Variants in RAF1 observed in about 807,000 individuals in gnomAD.
RAF1 encodes the protein RAF proto-oncogene serine/threonine-protein kinase.
Under a neutral mutation model 81.1 loss-of-function variants are expected in RAF1, and 27 were observed. That is an observed-to-expected ratio of 0.33 (90% CI 0.25 to 0.46). The LOEUF is 0.46. Ranked by LOEUF, RAF1 falls within the 20% of genes least tolerant of loss-of-function variation. The probability of loss-of-function intolerance (pLI) is 1.00; values close to 1 mark genes in which losing one functional copy is unlikely to be tolerated. For synonymous variants in RAF1, 298 were observed against 294.0 expected, an observed-to-expected ratio of 1.01 and a Z score of -0.14; for missense variants, 598 against 826.0, an observed-to-expected ratio of 0.72 and a Z score of 3.38.
chr3:12,607,661 T>TAA (rs926512614), intron 5 of RAF1, among the ~76,000 whole-genome samples: 1 of 147,502 alleles, frequency 6.8e-6, no homozygotes, highest in East Asian at 2.0e-4. Context: ...AAAATAATAA[T>TAA]AAAAAAAAAG....
At chr3:12,592,394 T>G (rs2058544014) in intron 11 of RAF1, among the ~76,000 whole-genome samples, 1 of 152,178 alleles carries the variant, frequency 6.6e-6, no homozygotes, top group African/African-American at 2.4e-5. Flanking sequence ...AAATTAAGCT[T>G]CTCTGCCTTC....
intron 1 of RAF1, among the ~76,000 whole-genome samples, chr3:12,642,364 C>G (rs930335645): frequency 2.0e-5 from 3 of 150,734 alleles, no homozygotes; most frequent in Non-Finnish European, 3.0e-5. Context: ...CAACAACTAG[C>G]CAGGCGTAGT....
chr3:12,642,611 A>G (rs1416419749), intron 1 of RAF1, among the ~76,000 whole-genome samples: 1 of 151,866 alleles, frequency 6.6e-6, no homozygotes, highest in Non-Finnish European at 1.5e-5. Flanking sequence ...AATAAAAACA[A>G]GAGACTGTTG....
chr3:12,661,146 G>T (rs2060864112), intron 1 of RAF1, among the ~76,000 whole-genome samples: 1 of 152,134 alleles, frequency 6.6e-6, no homozygotes, highest in South Asian at 2.1e-4. Flanking sequence ...ACCAAAGCAA[G>T]ATTTAGAAAC....
intron 8 of RAF1, 120 bp from the exon 8 acceptor site, chr3:12,600,535 T>G: frequency 8.9e-7 from 1 of 1,126,374 alleles, no homozygotes; most frequent in South Asian, 1.3e-5. Context: ...CTAAAAACCA[T>G]AGAAATCCTA....
At position 12,595,936 on chromosome 3, in the gene RAF1, T is replaced by C. The variant is rs566300250; in HGVS notation, c.1168+3755A>G. Among the ~76,000 whole-genome samples, 4 of 150,428 alleles carry C rather than the reference T, an allele frequency of 2.7e-5. No individual in the cohort carries two copies. In the East Asian group the frequency reaches 7.8e-4, roughly 29 times the overall value. On this transcript the variant is annotated intron_variant, in intron 11 of 17. Coordinates refer to ENST00000442415, the MANE Select transcript of RAF1 (RefSeq NM_001354689.3). ...TGTTGCCCAGGCTGGAGTGCAGTGGTGTTATCACGGCTCACTGCAGCCTCT... is the reference window on the plus strand; with the variant it reads ...TGTTGCCCAGGCTGGAGTGCAGTGGCGTTATCACGGCTCACTGCAGCCTCT...
intron 1 of RAF1, among the ~76,000 whole-genome samples, chr3:12,630,789 A>T (rs2125495970): frequency 6.6e-6 from 1 of 152,296 alleles, no homozygotes; most frequent in Middle Eastern, 3.4e-3. Context: ...GGAAAGGCAC[A>T]AAAGGCACAA....
In RAF1 at chr3:12,612,065, A is replaced by G. The variant is rs2125431625; in HGVS notation, c.208-3T>C. On this transcript the variant is annotated splice_region_variant and splice_polypyrimidine_tract_variant and intron_variant, in intron 2 of 17. Coordinates refer to ENST00000442415, the MANE Select transcript of RAF1 (RefSeq NM_001354689.3). ...CTCATTCCATTTCGCACATTGACCTACAAACAAAGGACCACCTTTAGGACC... is the reference window on the plus strand; with the variant it reads ...CTCATTCCATTTCGCACATTGACCTGCAAACAAAGGACCACCTTTAGGACC... 6.2e-7 allele frequency: 1 copy of G among 1,613,426 alleles called. No homozygotes were observed. The highest frequency in any genetic ancestry group is 1.1e-5 in the South Asian group (1 of 91,076).
intron 1 of RAF1, among the ~76,000 whole-genome samples, chr3:12,655,899 G>T (rs766546859): frequency 6.6e-6 from 1 of 151,788 alleles, no homozygotes; most frequent in African/African-American, 2.4e-5. Context: ...GTAGAATAGG[G>T]GTTACGAGGA....
At chr3:12,647,403 C>T (rs551015335) in intron 1 of RAF1, among the ~76,000 whole-genome samples, 1 of 152,124 alleles carries the variant, frequency 6.6e-6, no homozygotes, top group South Asian at 2.1e-4. Context: ...AAGCTTGAGA[C>T]CAGCCTGGAC....
intron 2 of RAF1, among the ~76,000 whole-genome samples, chr3:12,617,878 C>A (rs1441619151): frequency 5.9e-3 from 527 of 89,710 alleles, no homozygotes; most frequent in Admixed American, 8.2e-3. Context: ...GAATCCGTCT[C>A]AAAAAAAAAA....
chr3:12,618,470 C>A, intron 2 of RAF1, 45 bp downstream of exon 2: 3 of 1,590,778 alleles, frequency 1.9e-6, no homozygotes, highest in East Asian at 2.2e-5. Flanking sequence ...ATGTGCTCCA[C>A]AGGCAGATAA....
chr3:12,622,192 C>T (rs1405660996), intron 1 of RAF1, among the ~76,000 whole-genome samples: 10 of 151,666 alleles, frequency 6.6e-5, no homozygotes, highest in Admixed American at 6.6e-4. Flanking sequence ...AGTTTTTTTC[C>T]AACTAAAAAG....
intron 12 of RAF1, 45 bp from the exon 12 acceptor site, chr3:12,591,019 C>T: frequency 6.5e-7 from 1 of 1,533,472 alleles, no homozygotes; most frequent in Non-Finnish European, 8.9e-7. Context: ...GGAAAGTGCT[C>T]AGGGAGGTCT....
chr3:12,618,684 T>C lies in RAF1; in HGVS notation c.38A>G (p.Asn13Ser). The C allele has an allele frequency of 6.2e-7, 1 of 1,614,232 alleles. No homozygotes were observed. The highest frequency in any genetic ancestry group is 8.5e-7 in the Non-Finnish European group (1 of 1,180,038). Residue 13 changes from asparagine to serine, a missense_variant, in exon 2 of 18, where the codon AAT becomes AGT. Asn to Ser is a conservative substitution (Grantham distance 46, BLOSUM62 1). Transcript: ENST00000442415. ...CACGGCATCTTTGAATCCAAAACCA[T>C]TGCTGATCGTCTTCCAAGCTCCCTG...
chr3:12,619,208 G>A (rs931665418), intron 1 of RAF1, among the ~76,000 whole-genome samples: 4 of 151,832 alleles, frequency 2.6e-5, no homozygotes, highest in Admixed American at 2.0e-4. Flanking sequence ...TCATGCCACC[G>A]CACTCCAGCC....
At chr3:12,663,632 C>A (rs576978125) in intron 1 of RAF1, among the ~76,000 whole-genome samples, 181 bp downstream of exon 1, 2 of 142,398 alleles carry the variant, frequency 1.4e-5, no homozygotes, top group South Asian at 4.7e-4. Flanking sequence ...GGCCATGACA[C>A]CGGACTCCGG....
At chr3:12,622,108 A>G (rs1034936236) in intron 1 of RAF1, among the ~76,000 whole-genome samples, 61 of 152,290 alleles carry the variant, frequency 4.0e-4, no homozygotes, top group African/African-American at 1.4e-3. Flanking sequence ...TCACTCCTAC[A>G]TAACTCTATC....
chr3:12,591,059 G>C, intron 12 of RAF1, 85 bp from the exon 12 acceptor site: 1 of 1,326,636 alleles, frequency 7.5e-7, no homozygotes, highest in Non-Finnish European at 1.0e-6. Context: ...AGTGGGTTCT[G>C]TGCTGTCGAC....
Sources: allele counts gnomAD v4.1 joint callset (sites outside exome capture counted in the v4.1 genomes callset), GRCh38; gene constraint gnomAD v4.1.1; transcripts MANE v1.5; gene names NCBI Gene and HGNC (gene_info 2026-07-23, HGNC 2026-07-21).